NCEH1: variants seen among roughly 807,000 people sequenced by gnomAD.
NCEH1 encodes the protein neutral cholesterol ester hydrolase 1.
Under a neutral mutation model 25.4 loss-of-function variants are expected in NCEH1, and 9 were observed. That is an observed-to-expected ratio of 0.35 (90% CI 0.21 to 0.62). The LOEUF is 0.62. NCEH1 is among the 20% of genes least tolerant of loss of function. The pLI is 0.72. For missense variants in NCEH1, 412 were observed against 501.1 expected (o/e 0.82, Z 1.70); for synonymous variants, 200 against 199.8 (o/e 1.00, Z -0.01).
chr3:172,674,341 G>A (rs555997269), intron 1 of NCEH1, among the ~76,000 whole-genome samples: 2 of 151,638 alleles, frequency 1.3e-5, no homozygotes, highest in Admixed American at 6.6e-5. Context: ...TACTCAGGAG[G>A]CTGAGGCAGA....
At chr3:172,677,378 AAATT>A (rs1355300250) in intron 1 of NCEH1, among the ~76,000 whole-genome samples, 1 of 152,374 alleles carries the variant, frequency 6.6e-6, no homozygotes, top group South Asian at 2.1e-4. Context: ...AGATGATAAT[AAATT>A]AAGTACCCTT....
chr3:172,671,587 G>A (rs11925157), intron 1 of NCEH1, among the ~76,000 whole-genome samples: 15,880 of 151,176 alleles, frequency 0.11, 2,652 homozygotes, highest in African/African-American at 0.35. Flanking sequence ...CCTGCTACAT[G>A]TGTGTATATA....
At chr3:172,696,136 C>T (rs935170971) in intron 1 of NCEH1, among the ~76,000 whole-genome samples, 1 of 152,102 alleles carries the variant, frequency 6.6e-6, no homozygotes, top group Non-Finnish European at 1.5e-5. Context: ...TACACAATTA[C>T]ATTTAATCCT....
chr3:172,658,394 C>A (rs1445087851), intron 1 of NCEH1, among the ~76,000 whole-genome samples: 1 of 152,184 alleles, frequency 6.6e-6, no homozygotes, highest in African/African-American at 2.4e-5. Context: ...TCCCTTATTT[C>A]TTTTACTCAG....
intron 1 of NCEH1, among the ~76,000 whole-genome samples, chr3:172,679,691 A>G (rs755891024): frequency 2.6e-5 from 4 of 152,090 alleles, no homozygotes; most frequent in African/African-American, 9.7e-5. Context: ...TTTATAACAG[A>G]AAAGGTGGCT....
chr3:172,690,427 T>A (rs1403445710), intron 1 of NCEH1, among the ~76,000 whole-genome samples: 1 of 152,210 alleles, frequency 6.6e-6, no homozygotes, highest in African/African-American at 2.4e-5. Context: ...AAAAATCGAT[T>A]ACAATTGTTC....
At chr3:172,704,005 T>C (rs997780720) in intron 1 of NCEH1, among the ~76,000 whole-genome samples, 1 of 152,254 alleles carries the variant, frequency 6.6e-6, no homozygotes, top group African/African-American at 2.4e-5. Flanking sequence ...ATACGCATCA[T>C]CATAATTTCT....
intron 1 of NCEH1, among the ~76,000 whole-genome samples, chr3:172,676,127 C>G (rs1255907322): frequency 2.0e-5 from 3 of 152,166 alleles, no homozygotes; most frequent in African/African-American, 7.2e-5. Flanking sequence ...GTTAGGTTTG[C>G]TTCTCTTGAG....
At chr3:172,700,166 G>A (rs1490690918) in intron 1 of NCEH1, among the ~76,000 whole-genome samples, 1 of 152,176 alleles carries the variant, frequency 6.6e-6, no homozygotes, top group African/African-American at 2.4e-5. Flanking sequence ...ATACAGAGTT[G>A]AATAATTGGC....
intron 1 of NCEH1, among the ~76,000 whole-genome samples, chr3:172,659,319 A>G (rs1717857727): frequency 6.6e-6 from 1 of 152,208 alleles, no homozygotes; most frequent in African/African-American, 2.4e-5. Flanking sequence ...AAGCAAGTAT[A>G]AAGGAATTGA....
intron 1 of NCEH1, among the ~76,000 whole-genome samples, chr3:172,669,338 C>CT (rs925897332): frequency 3.3e-5 from 5 of 152,234 alleles, no homozygotes; most frequent in East Asian, 1.9e-4. Flanking sequence ...TATGGCTGAA[C>CT]TTTTTTTAGA....
intron 1 of NCEH1, among the ~76,000 whole-genome samples, chr3:172,688,363 A>T (rs893726843): frequency 5.3e-5 from 8 of 150,822 alleles, no homozygotes; most frequent in African/African-American, 1.9e-4. Flanking sequence ...GAAAATGGAC[A>T]TGGAGATTAC....
chr3:172,647,762 G>T, intron 2 of NCEH1, 124 bp downstream of exon 2: 2 of 1,350,938 alleles, frequency 1.5e-6, no homozygotes, highest in East Asian at 2.5e-5. Context: ...GGGGTAACTG[G>T]GACCATCCAG....
intron 1 of NCEH1, among the ~76,000 whole-genome samples, chr3:172,679,820 C>T (rs1236497161): frequency 6.6e-6 from 1 of 151,716 alleles, no homozygotes; most frequent in African/African-American, 2.4e-5. Flanking sequence ...GTGTGATGGC[C>T]GCCTCCAGAT....
At chr3:172,666,422 C>G (rs1292349621) in intron 1 of NCEH1, among the ~76,000 whole-genome samples, 1 of 152,214 alleles carries the variant, frequency 6.6e-6, no homozygotes, top group African/African-American at 2.4e-5. Flanking sequence ...CCCCCTGCAG[C>G]ATCCCAATAT....
chr3:172,684,125 G>A (rs180714920), intron 1 of NCEH1, among the ~76,000 whole-genome samples: 25 of 152,270 alleles, frequency 1.6e-4, no homozygotes, highest in African/African-American at 5.8e-4. Flanking sequence ...ATTCACGTAG[G>A]TCATGAGGAA....
intron 1 of NCEH1, among the ~76,000 whole-genome samples, chr3:172,688,224 G>C (rs1477315029): frequency 6.6e-6 from 1 of 151,380 alleles, no homozygotes; most frequent in African/African-American, 2.4e-5. Flanking sequence ...TGGCTAGTCA[G>C]GAGGCTGAGG....
intron 1 of NCEH1, among the ~76,000 whole-genome samples, chr3:172,666,709 A>G (rs1237389422): frequency 6.6e-6 from 1 of 152,150 alleles, no homozygotes; most frequent in Non-Finnish European, 1.5e-5. Context: ...TCTCAATCTC[A>G]GATCTGTCCT....
At position 172,630,834 on chromosome 3, in the gene NCEH1, T is replaced by C. The variant is rs957023476; in HGVS notation, c.*2641A>G. 1 of 152,194 alleles carries C rather than the reference T, an allele frequency of 6.6e-6. No homozygotes were observed. The highest frequency in any genetic ancestry group is 2.4e-5 in the African/African-American group (1 of 41,450). 9.4% of individuals were successfully genotyped at this position (152,194 alleles called of 1,614,324 possible). Reference sequence around the variant, plus strand: ...AAAGGTTAAAAGGTCATGCATAAAATAGATCCACCAAGATAATTATATAAT... The same window carrying C: ...AAAGGTTAAAAGGTCATGCATAAAACAGATCCACCAAGATAATTATATAAT... On this transcript the variant is annotated 3_prime_UTR_variant, in exon 5 of 5. Transcript: ENST00000475381.
Sources: allele counts gnomAD v4.1 joint callset (sites outside exome capture counted in the v4.1 genomes callset), GRCh38; gene constraint gnomAD v4.1.1; transcripts MANE v1.5; gene names NCBI Gene and HGNC (gene_info 2026-07-23, HGNC 2026-07-21).